AKAP6: variants seen among roughly 807,000 people sequenced by gnomAD.
AKAP6 encodes A-kinase anchoring protein 6.
A neutral mutation model predicts 188.5 loss-of-function variants in AKAP6; 58 were observed. The ratio of observed to expected loss-of-function variants is 0.31; its 90% CI spans 0.25 to 0.38. The LOEUF is 0.38. Ranked by LOEUF, AKAP6 falls within the 10% of genes least tolerant of loss-of-function variation. The pLI, the probability that AKAP6 is intolerant of heterozygous loss-of-function variation, is 1.00. For missense variants in AKAP6, 2,710 were observed against 2,740.0 expected (o/e 0.99, Z 0.24); for synonymous variants, 989 against 998.6 (o/e 0.99, Z 0.18).
chr14:32,455,352 G>T (rs989706892), intron 2 of AKAP6, among the ~76,000 whole-genome samples: 10 of 152,064 alleles, frequency 6.6e-5, no homozygotes, highest in Non-Finnish European at 1.0e-4. Context: ...TTAAATTTCA[G>T]ATTTCTCTTT....
intron 12 of AKAP6, among the ~76,000 whole-genome samples, chr14:32,813,910 T>C (rs1422086190): frequency 6.7e-6 from 1 of 150,154 alleles, no homozygotes; most frequent in Non-Finnish European, 1.5e-5. Context: ...GGTTGTTATG[T>C]AGAGTTGAGA....
intron 9 of AKAP6, among the ~76,000 whole-genome samples, chr14:32,730,876 A>G (rs546270172): frequency 3.2e-4 from 48 of 152,294 alleles, no homozygotes; most frequent in South Asian, 8.3e-4. Context: ...GCTCCTGAAT[A>G]TTGAATCCAG....
In AKAP6 at chr14:32,546,853, A is replaced by T; in HGVS notation, c.2200A>T (p.Lys734Ter). 6.2e-7 allele frequency: 1 copy of T among 1,614,086 alleles called. No homozygotes were observed. The highest frequency in any genetic ancestry group is 8.5e-7 in the Non-Finnish European group (1 of 1,179,998). The change falls in exon 4 of 14, where the codon AAA (lysine) becomes TAA (stop). Residue 734 changes from lysine to a stop codon, truncating the protein, a stop_gained. Coordinates refer to ENST00000280979, the MANE Select transcript of AKAP6 (RefSeq NM_004274.5). LOFTEE classifies it high-confidence loss of function. ...GTCCAGTATGCCTCTCGCTGGCATG[A>T]AAAAGTATGCTGATGAGAAGTCAGA... ...EESSMPLAGM[K>*]KYADEKSERA...
At chr14:32,570,187 G>A (rs994120111) in intron 4 of AKAP6, among the ~76,000 whole-genome samples, 1 of 135,876 alleles carries the variant, frequency 7.4e-6, no homozygotes, top group Admixed American at 8.8e-5. Flanking sequence ...CCGGAGTGCA[G>A]TGGAGCAATC....
At chr14:32,675,275 G>A (rs955066262) in intron 7 of AKAP6, among the ~76,000 whole-genome samples, 6 of 152,052 alleles carry the variant, frequency 3.9e-5, no homozygotes, top group African/African-American at 1.4e-4. Context: ...AAGGGAAGAG[G>A]GGATTCCATC....
intron 9 of AKAP6, among the ~76,000 whole-genome samples, chr14:32,712,161 G>T (rs1299518308): frequency 2.0e-5 from 3 of 151,930 alleles, no homozygotes; most frequent in Non-Finnish European, 4.4e-5. Context: ...TGAATCTTTT[G>T]GTTTCGCAGT....
chr14:32,815,798 G>T (rs758462562), intron 12 of AKAP6, among the ~76,000 whole-genome samples: 1 of 152,112 alleles, frequency 6.6e-6, no homozygotes, highest in Non-Finnish European at 1.5e-5. Context: ...CTCTCCCCTA[G>T]GACTTTACGT....
intron 13 of AKAP6, among the ~76,000 whole-genome samples, chr14:32,826,081 C>T (rs928715255): frequency 6.6e-6 from 1 of 151,948 alleles, no homozygotes; most frequent in African/African-American, 2.4e-5. Context: ...GAATGGCAAA[C>T]ATCATTATTT....
intron 4 of AKAP6, among the ~76,000 whole-genome samples, chr14:32,575,236 A>G (rs1884664183): frequency 2.0e-5 from 3 of 152,298 alleles, no homozygotes; most frequent in African/African-American, 7.2e-5. Flanking sequence ...TGATACCCTG[A>G]AGATAGGAGA....
intron 2 of AKAP6, among the ~76,000 whole-genome samples, chr14:32,520,275 CA>C (rs1453453744): frequency 6.6e-6 from 1 of 152,082 alleles, no homozygotes; most frequent in Admixed American, 6.6e-5. Flanking sequence ...CCTAACATCA[CA>C]ATTAAAAGAA....
At chr14:32,393,046 C>A (rs1888763008) in intron 1 of AKAP6, among the ~76,000 whole-genome samples, 1 of 151,954 alleles carries the variant, frequency 6.6e-6, no homozygotes, top group Non-Finnish European at 1.5e-5. Context: ...CAAGAATCAT[C>A]ACTGGTTGCT....
rs114433651 is a variant in AKAP6 at position 32,348,245 on chromosome 14, G to A, written c.-35+18837G>A. On this transcript the variant is annotated intron_variant, in intron 1 of 13. Transcript: ENST00000280979. ...AGGGATCACCTGGCCTTGCCCAGAA[G>A]AATGTAGGTTTTAGGATAGAGCAAG... 5.4e-3 allele frequency among the ~76,000 whole-genome samples: 823 copies of A among 152,290 alleles called. 6 individuals are homozygous for A. The highest frequency in any genetic ancestry group is 0.026 in the East Asian group (135 of 5,168).
At chr14:32,584,434 A>G (rs758461002) in intron 5 of AKAP6, among the ~76,000 whole-genome samples, 1 of 152,198 alleles carries the variant, frequency 6.6e-6, no homozygotes, top group Non-Finnish European at 1.5e-5. Context: ...CTTTGCATTT[A>G]TATTTTCAGA....
intron 1 of AKAP6, among the ~76,000 whole-genome samples, chr14:32,353,517 T>C (rs542272158): frequency 2.4e-4 from 36 of 152,290 alleles, no homozygotes; most frequent in Admixed American, 2.2e-3. Context: ...GCCGAGATCG[T>C]GCCACTGCAC....
chr14:32,709,161 C>T (rs1310510791), intron 9 of AKAP6, among the ~76,000 whole-genome samples: 1 of 152,012 alleles, frequency 6.6e-6, no homozygotes, highest in African/African-American at 2.4e-5. Context: ...AGTATGGAAA[C>T]ACTGTCAGAA....
At chr14:32,375,389 T>A (rs1157737965) in intron 1 of AKAP6, among the ~76,000 whole-genome samples, 1 of 152,078 alleles carries the variant, frequency 6.6e-6, no homozygotes, top group East Asian at 1.9e-4. Flanking sequence ...CAGGTGTTGT[T>A]TGGAAGTACT....
chr14:32,656,276 G>T (rs1888450605), intron 7 of AKAP6, among the ~76,000 whole-genome samples: 2 of 152,064 alleles, frequency 1.3e-5, no homozygotes, highest in African/African-American at 4.8e-5. Flanking sequence ...ATTATCAAAG[G>T]TGACTCTATT....
intron 2 of AKAP6, among the ~76,000 whole-genome samples, chr14:32,482,199 T>C (rs1036470548): frequency 2.6e-5 from 4 of 152,194 alleles, no homozygotes; most frequent in African/African-American, 9.7e-5. Context: ...CCTGTGACAT[T>C]ATCTGGTGGT....
At chr14:32,370,641 C>A (rs1444329279) in intron 1 of AKAP6, among the ~76,000 whole-genome samples, 1 of 152,124 alleles carries the variant, frequency 6.6e-6, no homozygotes, top group South Asian at 2.1e-4. Context: ...AAAGACTGAG[C>A]AACTTGCATA....
Sources: allele counts gnomAD v4.1 joint callset (sites outside exome capture counted in the v4.1 genomes callset), GRCh38; gene constraint gnomAD v4.1.1; transcripts MANE v1.5; gene names NCBI Gene and HGNC (gene_info 2026-07-23, HGNC 2026-07-21).